SMAD1: variants seen among roughly 807,000 people sequenced by gnomAD.
SMAD1 encodes SMAD family member 1, also known as MAD, mothers against decapentaplegic homolog 1.
A neutral mutation model predicts 41.6 loss-of-function variants in SMAD1; 6 were observed. The observed-to-expected ratio is 0.14, with a 90% CI of 0.08 to 0.28. The LOEUF (loss-of-function observed/expected upper bound fraction) is 0.28, where lower values mean the gene tolerates loss of function less well. Among genes scored for constraint, SMAD1 ranks in the 10% least tolerant of loss-of-function variants. The probability of loss-of-function intolerance (pLI) is 1.00; values close to 1 mark genes in which losing one functional copy is unlikely to be tolerated. For synonymous variants in SMAD1, 206 were observed against 203.2 expected (o/e 1.01, Z -0.12); for missense variants, 379 against 582.6 (o/e 0.65, Z 3.60).
At position 145,553,925 on chromosome 4, in the gene SMAD1, T is replaced by G; in HGVS notation, c.1139T>G (p.Leu380Arg). 2.5e-6 allele frequency: 4 copies of G among 1,614,112 alleles called. No homozygotes were observed. Among genetic ancestry groups the G allele is most frequent in the Non-Finnish European group, 3.4e-6 (4 of 1,180,012 alleles). The change falls in exon 6 of 7, where the codon CTG (leucine) becomes CGG (arginine). Residue 380 changes from leucine to arginine, a missense_variant. Physicochemically the swap from Leu to Arg is moderately radical, Grantham distance 102. Around this residue, in one of 3 missense-constraint regions of SMAD1, gnomAD observed 107 missense variants for 218.3 expected, o/e 0.49. Coordinates refer to ENST00000302085, the MANE Select transcript of SMAD1 (RefSeq NM_005900.3). ...TVCKIPSGCS[L>R]KIFNNQEFAQ... is the part of the protein sequence containing the mutation. ...TGCAAGATCCCTAGTGGGTGTAGTC[T>G]GAAAATTTTTAACAACCAAGAATTT...
intron 2 of SMAD1, among the ~76,000 whole-genome samples, chr4:145,535,026 A>G (rs552331303): frequency 6.6e-6 from 1 of 152,172 alleles, no homozygotes; most frequent in Non-Finnish European, 1.5e-5. Flanking sequence ...AAGGATGAAA[A>G]TACCAAAAAT....
chr4:145,520,503 A>C (rs1195098068), intron 2 of SMAD1, among the ~76,000 whole-genome samples: 1 of 150,692 alleles, frequency 6.6e-6, no homozygotes, highest in African/African-American at 2.5e-5. Flanking sequence ...ATCAAGTCCG[A>C]TTGTCTGGAT....
intron 4 of SMAD1, among the ~76,000 whole-genome samples, chr4:145,543,160 T>G (rs1026336081): frequency 1.3e-5 from 2 of 152,126 alleles, no homozygotes; most frequent in African/African-American, 4.8e-5. Flanking sequence ...AGAGACAGGG[T>G]TTCACCATGT....
intron 1 of SMAD1, among the ~76,000 whole-genome samples, chr4:145,501,689 A>T (rs1729450143): frequency 6.9e-6 from 1 of 145,388 alleles, no homozygotes; most frequent in Non-Finnish European, 1.5e-5. Flanking sequence ...AGTTGATTCC[A>T]TTTTCATCTG....
chr4:145,490,721 A>C (rs947213586), intron 1 of SMAD1, among the ~76,000 whole-genome samples: 1 of 152,232 alleles, frequency 6.6e-6, no homozygotes, highest in African/African-American at 2.4e-5. Context: ...TGAAATATCA[A>C]GTTTGGGAAT....
At chr4:145,481,690 G>A (rs560261602), upstream of SMAD1, 5 of 159,432 alleles carry the variant, frequency 3.1e-5, no homozygotes, top group South Asian at 3.4e-4. Context: ...CACGCCGGCC[G>A]GGCCGGGAAT....
chr4:145,488,476 T>TG (rs1728606392), intron 1 of SMAD1, among the ~76,000 whole-genome samples: 6 of 148,734 alleles, frequency 4.0e-5, no homozygotes, highest in Middle Eastern at 3.4e-3. Context: ...CCCTGTCTTT[T>TG]TGTGTGTGTG....
chr4:145,488,400 A>T (rs57797623), intron 1 of SMAD1, among the ~76,000 whole-genome samples: 14,870 of 151,804 alleles, frequency 0.098, 2,197 homozygotes, highest in African/African-American at 0.32. Flanking sequence ...TGTACTGTGG[A>T]TATTTTGCTC....
chr4:145,498,732 C>T (rs1415669389), intron 1 of SMAD1, among the ~76,000 whole-genome samples: 3 of 152,208 alleles, frequency 2.0e-5, no homozygotes, highest in African/African-American at 7.2e-5. Context: ...TTTACCACTT[C>T]TTACTGAACA....
chr4:145,523,482 G>GA (rs1730867873), intron 2 of SMAD1, among the ~76,000 whole-genome samples: 1 of 152,040 alleles, frequency 6.6e-6, no homozygotes, highest in African/African-American at 2.4e-5. Context: ...ATAGACCAGG[G>GA]AAAATACAAT....
At chr4:145,511,323 G>A (rs1396293554) in intron 1 of SMAD1, among the ~76,000 whole-genome samples, 1 of 152,094 alleles carries the variant, frequency 6.6e-6, no homozygotes, top group Non-Finnish European at 1.5e-5. Context: ...TGTCACTCAG[G>A]TTGGAGTGCA....
intron 1 of SMAD1, among the ~76,000 whole-genome samples, chr4:145,508,989 A>T (rs1373162418): frequency 6.6e-6 from 1 of 152,128 alleles, no homozygotes; most frequent in African/African-American, 2.4e-5. Flanking sequence ...GAATTTAGGG[A>T]GGGGATACAA....
chr4:145,539,988 T>C lies in SMAD1; in HGVS notation c.585T>C (p.Ser195=). The C allele has an allele frequency of 6.2e-7, 1 of 1,613,936 alleles. No individual in the cohort carries two copies. The highest frequency in any genetic ancestry group is 8.5e-7 in the Non-Finnish European group (1 of 1,179,980). ...PHSPNSSYPN[S]PGSSSSTYPH... ...CTCCCAATAGCAGTTACCCAAACTC[T>C]CCTGGGAGCAGCAGCAGCACCTACC... The change falls in exon 3 of 7, where the codon TCT becomes TCC. Residue 195 remains serine (S), a synonymous_variant. Transcript: ENST00000302085.
chr4:145,547,463 A>C (rs753729064), intron 5 of SMAD1, among the ~76,000 whole-genome samples: 5 of 152,226 alleles, frequency 3.3e-5, no homozygotes, highest in African/African-American at 4.8e-5. Context: ...ATAATAAGAA[A>C]AAATAAAGAC....
At chr4:145,506,984 T>C (rs1157778898) in intron 1 of SMAD1, among the ~76,000 whole-genome samples, 1 of 152,154 alleles carries the variant, frequency 6.6e-6, no homozygotes, top group Non-Finnish European at 1.5e-5. Flanking sequence ...TTTTTCTAAT[T>C]TCACTTCTGG....
chr4:145,510,315 T>G (rs1284658477), intron 1 of SMAD1, among the ~76,000 whole-genome samples: 1 of 152,118 alleles, frequency 6.6e-6, no homozygotes, highest in East Asian at 1.9e-4. Context: ...TGGGTTTATT[T>G]TTCCTTTTAA....
At position 145,548,451 on chromosome 4, in the gene SMAD1, G is replaced by A. The variant is rs192358788; in HGVS notation, c.997+1527G>A. The stretch of plus-strand genomic sequence containing the variant: ...TTACCTTGTTGGCTAGGCTGGTCTC[G>A]AACTAACCTCAAACGATCAGCCTGC... On this transcript the variant is annotated intron_variant, in intron 5 of 6. Transcript: ENST00000302085. 2.5e-3 allele frequency among the ~76,000 whole-genome samples: 375 copies of A among 152,066 alleles called. 1 individual carries two copies. Among genetic ancestry groups the A allele is most frequent in the Middle Eastern group, 0.017 (5 of 294 alleles).
intron 1 of SMAD1, among the ~76,000 whole-genome samples, chr4:145,487,720 T>C (rs1728549579): frequency 6.6e-6 from 1 of 152,218 alleles, no homozygotes; most frequent in Non-Finnish European, 1.5e-5. Context: ...AAAATACTCA[T>C]CTTGCTCTGC....
At chr4:145,553,146 A>G (rs1384112401) in intron 5 of SMAD1, among the ~76,000 whole-genome samples, 1 of 151,588 alleles carries the variant, frequency 6.6e-6, no homozygotes, top group Non-Finnish European at 1.5e-5. Flanking sequence ...ACTGAGCTCA[A>G]GCAACCTGTC....
Sources: gnomAD v4.1 joint callset for allele counts (sites outside exome capture counted in the v4.1 genomes callset) on GRCh38, gnomAD v4.1.1 for gene constraint, gnomAD v4.1.1 regional missense constraint, MANE v1.5 for transcripts, NCBI Gene and HGNC (gene_info 2026-07-23, HGNC 2026-07-21) for gene names.